REV3L: variants seen among roughly 807,000 people sequenced by gnomAD.
REV3L encodes the protein REV3 like, DNA directed polymerase zeta catalytic subunit, also known as DNA polymerase zeta catalytic subunit.
A neutral mutation model predicts 299.4 loss-of-function variants in REV3L; 69 were observed. The observed-to-expected ratio is 0.23, with a 90% confidence interval of 0.19 to 0.28. The LOEUF is 0.28. REV3L is among the 10% of genes least tolerant of loss of function. The pLI, the probability that REV3L is intolerant of heterozygous loss-of-function variation, is 1.00. For missense variants in REV3L, 3,128 were observed against 3,693.8 expected, an observed-to-expected ratio of 0.85 and a Z score of 3.97; for synonymous variants, 1,238 against 1,271.4, an observed-to-expected ratio of 0.97 and a Z score of 0.56.
intron 26 of REV3L, among the ~76,000 whole-genome samples, chr6:111,317,749 A>G (rs1773691478): frequency 6.6e-6 from 1 of 152,214 alleles, no homozygotes; most frequent in Non-Finnish European, 1.5e-5. Context: ...GGACTGCTTG[A>G]GGCCAGGAGT....
At chr6:111,329,168 T>C (rs536521911) in intron 25 of REV3L, among the ~76,000 whole-genome samples, 29 of 152,090 alleles carry the variant, frequency 1.9e-4, no homozygotes, top group Non-Finnish European at 3.8e-4. Context: ...CTCGGCCTCT[T>C]GAGTAACTGG....
chr6:111,452,159 T>G (rs1487142356), intron 1 of REV3L, among the ~76,000 whole-genome samples: 1 of 151,764 alleles, frequency 6.6e-6, no homozygotes, highest in Non-Finnish European at 1.5e-5. Context: ...CAATGAGATA[T>G]CATTACACTT....
chr6:111,342,845 T>C (rs561766805), intron 21 of REV3L, among the ~76,000 whole-genome samples: 2 of 152,204 alleles, frequency 1.3e-5, no homozygotes, highest in African/African-American at 2.4e-5. Flanking sequence ...TGAGAATAAC[T>C]GTTGACTTCT....
intron 4 of REV3L, among the ~76,000 whole-genome samples, chr6:111,398,081 A>T (rs1050525923): frequency 2.0e-5 from 3 of 150,866 alleles, no homozygotes; most frequent in Admixed American, 2.0e-4. Context: ...ACAGATGCTA[A>T]GAATCAAATC....
chr6:111,438,696 A>G (rs1408892997), intron 1 of REV3L, among the ~76,000 whole-genome samples: 1 of 152,220 alleles, frequency 6.6e-6, no homozygotes, highest in South Asian at 2.1e-4. Flanking sequence ...TCATACATGA[A>G]TTAAAGAAAG....
intron 1 of REV3L, among the ~76,000 whole-genome samples, chr6:111,450,386 G>T (rs1319117175): frequency 6.7e-6 from 1 of 149,714 alleles, no homozygotes; most frequent in African/African-American, 2.4e-5. Context: ...GGCTGAGATG[G>T]GAGGACTGCT....
intron 3 of REV3L, 77 bp downstream of exon 3, chr6:111,411,403 C>T (rs1418843882): frequency 7.2e-6 from 7 of 972,732 alleles, no homozygotes; most frequent in Non-Finnish European, 1.5e-6. Flanking sequence ...CTATAGAGGC[C>T]TTCTTTCTAG....
chr6:111,313,579 A>G (rs1773207991), intron 27 of REV3L, 90 bp from the exon 28 acceptor site: 1 of 1,290,926 alleles, frequency 7.7e-7, no homozygotes, highest in African/African-American at 1.5e-5. Flanking sequence ...TCTTTAATCA[A>G]GTATCAATTA....
intron 2 of REV3L, 57 bp from the exon 3 acceptor site, chr6:111,411,611 G>T: frequency 9.2e-7 from 1 of 1,086,758 alleles, no homozygotes; most frequent in Non-Finnish European, 1.4e-6. Flanking sequence ...ATGAAATAAT[G>T]CAACTTATTG....
Position 111,307,436 on chromosome 6 carries a change from G to A in REV3L, c.9177C>T (p.Ser3059=), listed in dbSNP as rs1398887160. 6.2e-7 allele frequency: 1 copy of A among 1,614,060 alleles called. No homozygotes were observed. The highest frequency in any genetic ancestry group is 8.5e-7 in the Non-Finnish European group (1 of 1,180,038). Residue 3059 remains serine (S), a synonymous_variant, in exon 31 of 32, where the codon AGC becomes AGT. Coordinates refer to ENST00000368802, the MANE Select transcript of REV3L (RefSeq NM_001372078.1). Reference sequence around the variant, plus strand: ...GGATGACTGCAACATGCTGAGGTTGGCTCCGACATTTACTACAGATGCCAT... The same window carrying A: ...GGATGACTGCAACATGCTGAGGTTGACTCCGACATTTACTACAGATGCCAT... ...TQHGICSKCR[S]QPQHVAVILN...
chr6:111,343,517 A>G (rs1290214588), intron 21 of REV3L, among the ~76,000 whole-genome samples: 1 of 152,160 alleles, frequency 6.6e-6, no homozygotes, highest in Non-Finnish European at 1.5e-5. Flanking sequence ...TCATTGAACA[A>G]TAATACACTT....
chr6:111,322,078 G>T (rs1774247777), intron 26 of REV3L, among the ~76,000 whole-genome samples: 1 of 152,138 alleles, frequency 6.6e-6, no homozygotes, highest in South Asian at 2.1e-4. Context: ...GGACCCTCTG[G>T]AATCAAATGG....
At chr6:111,395,667 TTTTCCCAA>T (rs1782418663) in intron 4 of REV3L, among the ~76,000 whole-genome samples, 1 of 152,168 alleles carries the variant, frequency 6.6e-6, no homozygotes, top group Non-Finnish European at 1.5e-5. Context: ...TTGACCTCCT[TTTTCCCAA>T]TTTGGTGTCT....
chr6:111,411,626 A>T, intron 2 of REV3L, 72 bp from the exon 3 acceptor site: 1 of 994,912 alleles, frequency 1.0e-6, no homozygotes. Context: ...TTATTGCCCT[A>T]ATTAGATTCA....
In REV3L at chr6:111,330,364, A is replaced by G. The variant is rs1775257362; in HGVS notation, c.8035-626T>C. ...GATAAAATTTGTTGATGCCAAAAAAAAAATCATTTGTATTCATCAAGACTA... is the reference window on the plus strand; with the variant it reads ...GATAAAATTTGTTGATGCCAAAAAAGAAATCATTTGTATTCATCAAGACTA... On this transcript the variant is annotated intron_variant, in intron 24 of 31. Coordinates refer to ENST00000368802, the MANE Select transcript of REV3L (RefSeq NM_001372078.1). The G allele has an allele frequency of 1.6e-5, 7 of 444,454 alleles. 1 individual carries two copies. Among genetic ancestry groups the G allele is most frequent in the South Asian group, 1.1e-4 (7 of 63,826 alleles). The allele number at this position is 444,454 out of a possible 1,614,324, so 27.5% of individuals were successfully genotyped here.
chr6:111,470,149 TAA>T (rs1792002797), intron 1 of REV3L, among the ~76,000 whole-genome samples: 1 of 151,484 alleles, frequency 6.6e-6, no homozygotes, highest in Admixed American at 6.6e-5. Flanking sequence ...AAAAATGGGT[TAA>T]GAGTACCAGG....
rs149251618 is a variant in REV3L at position 111,457,484 on chromosome 6, T to G, written c.139+25266A>C. Reference sequence around the variant, plus strand: ...GATTGTTTTTAGTTGGGAAAAAGATTATCATAAACTTATATTTTACTAATA... The same window carrying G: ...GATTGTTTTTAGTTGGGAAAAAGATGATCATAAACTTATATTTTACTAATA... On this transcript the variant is annotated intron_variant, in intron 1 of 31. Transcript: ENST00000368802. Among the ~76,000 whole-genome samples, 7 of 148,862 alleles carry G rather than the reference T, an allele frequency of 4.7e-5. No individual in the cohort carries two copies. In the East Asian group the frequency reaches 1.3e-3, roughly 29 times the overall value.
intron 1 of REV3L, among the ~76,000 whole-genome samples, chr6:111,448,526 T>G (rs4620160): frequency 0.99 from 150,566 of 152,084 alleles, 74,563 homozygotes; most frequent in Middle Eastern, 1. Context: ...GGAAAGATGG[T>G]GTTGCCCAGG....
At chr6:111,359,469 A>T (rs929767140) in intron 16 of REV3L, among the ~76,000 whole-genome samples, 3 of 149,846 alleles carry the variant, frequency 2.0e-5, no homozygotes, top group African/African-American at 7.4e-5. Context: ...AGGGCTACTT[A>T]AACTTAGACT....
Sources: gnomAD v4.1 joint callset for allele counts (sites outside exome capture counted in the v4.1 genomes callset) on GRCh38, gnomAD v4.1.1 for gene constraint, MANE v1.5 for transcripts, NCBI Gene and HGNC (gene_info 2026-07-23, HGNC 2026-07-21) for gene names.